The following SGCD variants were observed in gnomAD, a reference collection of about 807,000 sequenced individuals.
The protein encoded by SGCD is delta-sarcoglycan.
Under a neutral mutation model 36.6 loss-of-function variants are expected in SGCD, and 18 were observed. The ratio of observed to expected loss-of-function variants is 0.49; its 90% confidence interval spans 0.34 to 0.73. SGCD has a LOEUF of 0.73. SGCD is among the 30% of genes least tolerant of loss of function. SGCD has a pLI of 0.01. For missense variants in SGCD, 387 were observed against 346.7 expected (o/e 1.12, Z -0.92); for synonymous variants, 133 against 130.6 (o/e 1.02, Z -0.12).
chr5:155,732,410 C>A, the SGCD span, among the ~76,000 whole-genome samples: 1 of 152,190 alleles, frequency 6.6e-6, no homozygotes, highest in African/African-American at 2.4e-5. Context: ...GCTGCTAATC[C>A]TAACACCCCA....
intron 4 of SGCD, among the ~76,000 whole-genome samples, chr5:156,530,867 C>T (rs149713731): frequency 1.3e-4 from 19 of 151,370 alleles, no homozygotes; most frequent in Non-Finnish European, 2.4e-4. Flanking sequence ...CGTGAGCCAC[C>T]GTGTCTGGCC....
the SGCD span, among the ~76,000 whole-genome samples, chr5:155,816,046 A>C: frequency 6.6e-6 from 1 of 152,194 alleles, no homozygotes; most frequent in Non-Finnish European, 1.5e-5. Context: ...TACTAGGCTC[A>C]ACTGAAAATA....
intron 7 of SGCD, among the ~76,000 whole-genome samples, chr5:156,669,220 C>T (rs1753191173): frequency 6.6e-6 from 1 of 152,142 alleles, no homozygotes; most frequent in East Asian, 1.9e-4. Flanking sequence ...CGTCAGTGGG[C>T]ACTGAGTGGG....
chr5:156,285,254 G>T (rs1179035501), intron 3 of SGCD, among the ~76,000 whole-genome samples: 2 of 152,068 alleles, frequency 1.3e-5, no homozygotes, highest in Admixed American at 1.3e-4. Flanking sequence ...CTGCCCAAGG[G>T]AATTTATGGA....
chr5:156,230,675 A>G (rs190687902), intron 3 of SGCD, among the ~76,000 whole-genome samples: 1 of 152,058 alleles, frequency 6.6e-6, no homozygotes, highest in East Asian at 1.9e-4. Context: ...TGAAGCAAAA[A>G]TTCTCGATGC....
the SGCD span, among the ~76,000 whole-genome samples, chr5:155,772,173 C>T: frequency 6.6e-6 from 1 of 151,976 alleles, no homozygotes; most frequent in Non-Finnish European, 1.5e-5. Context: ...TCTGTTTGCA[C>T]CAGTGGATAA....
At chr5:155,959,864 AC>A (rs1247420037) in intron 1 of SGCD, among the ~76,000 whole-genome samples, 1 of 152,006 alleles carries the variant, frequency 6.6e-6, no homozygotes, top group Non-Finnish European at 1.5e-5. Context: ...GGAAACTGAA[AC>A]CCAGAGAGGT....
At chr5:155,790,783 G>A in the SGCD span, among the ~76,000 whole-genome samples, 1 of 151,974 alleles carries the variant, frequency 6.6e-6, no homozygotes, top group Non-Finnish European at 1.5e-5. Context: ...CATACTCAGG[G>A]CAGCATTAAT....
At chr5:156,317,658 G>A (rs1767553551) in intron 3 of SGCD, among the ~76,000 whole-genome samples, 1 of 152,150 alleles carries the variant, frequency 6.6e-6, no homozygotes, top group South Asian at 2.1e-4. Flanking sequence ...TTTCAGTGTG[G>A]AAATGTTCTG....
intron 3 of SGCD, among the ~76,000 whole-genome samples, chr5:156,269,021 C>G (rs1198729658): frequency 6.6e-6 from 1 of 152,012 alleles, no homozygotes; most frequent in Non-Finnish European, 1.5e-5. Flanking sequence ...AAGGACATAC[C>G]TGAGACTAGG....
chr5:156,375,395 CTTT>C (rs60179274), intron 3 of SGCD, among the ~76,000 whole-genome samples: 2,554 of 110,688 alleles, frequency 0.023, 81 homozygotes, highest in African/African-American at 0.081. Context: ...TCCTTCACAG[CTTT>C]TTTTTTTTTT....
At chr5:156,204,339 T>C (rs1023982206) in intron 3 of SGCD, among the ~76,000 whole-genome samples, 2 of 152,052 alleles carry the variant, frequency 1.3e-5, no homozygotes, top group African/African-American at 2.4e-5. Context: ...TCAGATATAA[T>C]TAATTCACAT....
chr5:156,717,505 T>C lies in SGCD; in HGVS notation c.576-40076T>C, dbSNP rs149224918. ...GAGTTAACAATATCTTTATTTTCTG[T>C]ATTCTGATGCTTTGACATCATGGGG... On this transcript the variant is annotated intron_variant, in intron 7 of 8. Transcript: ENST00000337851. Among the ~76,000 whole-genome samples, 110 of 152,360 alleles carry C rather than the reference T, an allele frequency of 7.2e-4. 1 individual carries two copies. The highest frequency in any genetic ancestry group is 2.6e-3 in the African/African-American group (108 of 41,586).
At chr5:156,481,225 A>T (rs567531330) in intron 3 of SGCD, among the ~76,000 whole-genome samples, 4 of 152,200 alleles carry the variant, frequency 2.6e-5, no homozygotes, top group African/African-American at 9.6e-5. Flanking sequence ...TCAAAAACCT[A>T]CAAGGACTGG....
chr5:155,875,719 G>A (rs1340276518), intron 1 of SGCD, among the ~76,000 whole-genome samples: 1 of 151,688 alleles, frequency 6.6e-6, no homozygotes, highest in Non-Finnish European at 1.5e-5. Context: ...CTGGGTCAGA[G>A]GCAAAAGCAT....
chr5:156,107,113 T>C (rs773663558), intron 1 of SGCD, among the ~76,000 whole-genome samples: 16 of 152,172 alleles, frequency 1.1e-4, no homozygotes, highest in Non-Finnish European at 2.4e-4. Flanking sequence ...CCTAGCATTA[T>C]TTTTCTGCTT....
intron 1 of SGCD, among the ~76,000 whole-genome samples, chr5:155,992,849 C>T (rs1043740405): frequency 6.6e-6 from 1 of 152,180 alleles, no homozygotes; most frequent in Non-Finnish European, 1.5e-5. Flanking sequence ...ATTTCTGATG[C>T]TTTGACCTCT....
At chr5:156,447,717 G>T (rs1253129886) in intron 3 of SGCD, among the ~76,000 whole-genome samples, 3 of 152,090 alleles carry the variant, frequency 2.0e-5, no homozygotes, top group Non-Finnish European at 4.4e-5. Context: ...TTAATAACTA[G>T]GTGATGGGTT....
chr5:156,089,171 C>A (rs1352386079), intron 1 of SGCD, among the ~76,000 whole-genome samples: 1 of 152,084 alleles, frequency 6.6e-6, no homozygotes, highest in African/African-American at 2.4e-5. Flanking sequence ...AAGGTGGGAT[C>A]CCTGGCAAAG....
Sources: allele counts gnomAD v4.1 joint callset (sites outside exome capture counted in the v4.1 genomes callset), GRCh38; gene constraint gnomAD v4.1.1; transcripts MANE v1.5; gene names NCBI Gene and HGNC (gene_info 2026-07-23, HGNC 2026-07-21).